SMG5: variants seen among roughly 807,000 people sequenced by gnomAD.
The protein encoded by SMG5 is nonsense-mediated mRNA decay factor SMG5.
SMG5 carries 53 observed loss-of-function variants against 122.9 expected under a neutral mutation model. The ratio of observed to expected loss-of-function variants is 0.43; its 90% CI spans 0.35 to 0.54. SMG5 has a LOEUF of 0.54. Among genes scored for constraint, SMG5 ranks in the 20% least tolerant of loss-of-function variants. The pLI, the probability that SMG5 is intolerant of heterozygous loss-of-function variation, is 0.01. For missense variants in SMG5, 1,153 were observed against 1,285.6 expected, an observed-to-expected ratio of 0.90 and a Z score of 1.58; for synonymous variants, 477 against 490.2, an observed-to-expected ratio of 0.97 and a Z score of 0.35.
intron 3 of SMG5, among the ~76,000 whole-genome samples, chr1:156,277,487 C>G (rs1297212494): frequency 6.6e-6 from 1 of 151,062 alleles, no homozygotes; most frequent in Admixed American, 6.6e-5. Context: ...ACATCTGACT[C>G]TCTTCCTCCT....
Position 156,253,761 on chromosome 1 carries a change from C to T in SMG5, c.2443-253G>A, listed in dbSNP as rs1334419385. ...CTGCAGGGGAGGGGAAGCAGACAGC[C>T]ATGTGCCGTCACCATGCAGGACATC... On this transcript the variant is annotated intron_variant, in intron 16 of 21. Transcript: ENST00000361813. The T allele has an allele frequency of 2.1e-5, 11 of 530,268 alleles. No individual in the cohort carries two copies. In the Admixed American group the frequency reaches 3.4e-4, roughly 16 times the overall value. 32.8% of individuals were successfully genotyped at this position (530,268 alleles called of 1,614,324 possible).
chr1:156,258,753 G>A (rs6693732), intron 16 of SMG5, among the ~76,000 whole-genome samples: 35,319 of 151,522 alleles, frequency 0.23, 4,344 homozygotes, highest in Admixed American at 0.33. Flanking sequence ...CTGAGATCAC[G>A]TCACTTGCTC....
rs201356621 is a variant in SMG5 at position 156,277,252 on chromosome 1, C to T, written c.298-11G>A. On this transcript the variant is annotated splice_polypyrimidine_tract_variant and intron_variant, in intron 3 of 21. Transcript: ENST00000361813. ...CCGGCTGTGGATGTGCTACAGATTG[C>T]GAAAGGGAAGGGGCTGGTTAAGCAA... 808 of 1,610,888 alleles carry T rather than the reference C, an allele frequency of 5.0e-4. 1 individual carries two copies. Among genetic ancestry groups the T allele is most frequent in the Non-Finnish European group, 6.4e-4 (759 of 1,178,962 alleles).
intron 15 of SMG5, 94 bp downstream of exon 15, chr1:156,260,357 G>A: frequency 4.2e-6 from 6 of 1,419,138 alleles, no homozygotes; most frequent in Non-Finnish European, 4.8e-6. Context: ...GAGTGGAAGA[G>A]GGCATCCTGC....
At chr1:156,268,485 G>A (rs1662260291) in intron 7 of SMG5, 70 bp from the exon 8 acceptor site, 5 of 1,577,910 alleles carry the variant, frequency 3.2e-6, no homozygotes, top group African/African-American at 1.4e-5. Flanking sequence ...GGGGCTTTAG[G>A]AAACAATGTT....
rs373418161 is a variant in SMG5 at position 156,268,577 on chromosome 1, A to AAC, written c.714-164_714-163dup. On this transcript the variant is annotated intron_variant, in intron 7 of 21. Transcript: ENST00000361813. ...AGGCTCATGAGCTATCTTTCCCGATAACACACACACACATAACTTCTAGAT... is the reference window on the plus strand; with the variant it reads ...AGGCTCATGAGCTATCTTTCCCGATAACACACACACACACATAACTTCTAGAT... Among the ~76,000 whole-genome samples, 14 of 152,084 alleles carry AAC rather than the reference A, an allele frequency of 9.2e-5. No individual in the cohort carries two copies. In the East Asian group the frequency reaches 1.2e-3, roughly 13 times the overall value.
In SMG5 at chr1:156,262,306, C is replaced by T. The variant is rs538791792; in HGVS notation, c.2032-898G>A. On this transcript the variant is annotated intron_variant, in intron 13 of 21. Transcript: ENST00000361813. ...CCATCCTGGCTAACATGGTGAAACG[C>T]CGTCTCTACTAAAAATACAAAAAAT... Among the ~76,000 whole-genome samples the T allele has an allele frequency of 9.3e-4, 142 of 151,908 alleles. 5 individuals are homozygous for T. The South Asian group carries it at 0.029, about 31-fold the overall frequency.
intron 4 of SMG5, 75 bp downstream of exon 4, chr1:156,277,010 C>T (rs1260559667): frequency 6.6e-7 from 1 of 1,506,068 alleles, no homozygotes; most frequent in African/African-American, 1.4e-5. Context: ...TCGCAAGCTA[C>T]ATGAACCCTG....
In SMG5 at chr1:156,260,501, T is replaced by C. The variant is rs573476110; in HGVS notation, c.2233A>G (p.Arg745Gly). 1 of 1,590,678 alleles carries C rather than the reference T, an allele frequency of 6.3e-7. No individual in the cohort carries two copies. Among genetic ancestry groups the C allele is most frequent in the South Asian group, 1.1e-5 (1 of 87,642 alleles). The change falls in exon 15 of 22, where the codon AGA becomes GGA. Residue 745 changes from arginine to glycine, a missense_variant. Arg to Gly is a moderately radical substitution (Grantham distance 125). Transcript: ENST00000361813. ...RNLPPLRAAH[R>G]RFNFDTDRPL... ...CGATCCGTGTCAAAGTTAAAGCGTC[T>C]GTGGGCAGCTCGGAGCGGGGGCAGG...
chr1:156,266,424 A>G (rs1258837264), intron 11 of SMG5, 44 bp from the exon 12 acceptor site: 3 of 1,600,912 alleles, frequency 1.9e-6, no homozygotes, highest in Non-Finnish European at 2.6e-6. Context: ...GAACAGGTGG[A>G]GCCTGGAAGC....
At chr1:156,260,316 GC>G in intron 15 of SMG5, 134 bp downstream of exon 15, 1 of 1,079,932 alleles carries the variant, frequency 9.3e-7, no homozygotes, top group Non-Finnish European at 1.3e-6. Flanking sequence ...AGGAAGCACA[GC>G]CTGTAGCCCC....
the SMG5 span, chr1:156,290,947 T>C: frequency 1.8e-5 from 3 of 165,006 alleles, no homozygotes; most frequent in Admixed American, 5.7e-5. Flanking sequence ...GAGGAAGATA[T>C]TTTACTATAC....
rs1168711176 is a variant in SMG5 at position 156,263,467 on chromosome 1, A to G, written c.1959T>C (p.Gly653=). The G allele has an allele frequency of 6.2e-7, 1 of 1,614,216 alleles. No homozygotes were observed. Among genetic ancestry groups the G allele is most frequent in the Non-Finnish European group, 8.5e-7 (1 of 1,180,038 alleles). ...QEKLQVLMAE[G]LLPAVKVFLD... ...GGAAGACTTTCACAGCAGGAAGCAG[A>G]CCTTCGGCCATCAGGACCTGAAGCT... Residue 653 remains glycine, a synonymous_variant, in exon 13 of 22, where the codon GGT becomes GGC. Coordinates refer to ENST00000361813, the MANE Select transcript of SMG5 (RefSeq NM_015327.3).
intron 7 of SMG5, among the ~76,000 whole-genome samples, chr1:156,271,724 C>T (rs1343012816): frequency 1.7e-5 from 2 of 119,156 alleles, no homozygotes; most frequent in Non-Finnish European, 3.8e-5. Context: ...TCCCAAGTAG[C>T]TAGGATTAGA....
chr1:156,291,424 C>T, the SMG5 span: 2 of 1,614,012 alleles, frequency 1.2e-6, no homozygotes, highest in African/African-American at 1.3e-5. Context: ...GCCGCTCCTT[C>T]CGAGGCTTCG....
In SMG5 at chr1:156,259,015, T is replaced by C; in HGVS notation, c.2432A>G (p.Gln811Arg). Residue 811 changes from glutamine (Q) to arginine (R), a missense_variant, in exon 16 of 22, where the codon CAG becomes CGG. Coordinates refer to ENST00000361813, the MANE Select transcript of SMG5 (RefSeq NM_015327.3). ...QESLLQQAQA[Q>R]FRMAQEEARR... ...GAAGGCCTGACTCACCATTCGGAAC[T>C]GTGCCTGGGCCTGCTGCAGCAGGCT... 6.2e-7 allele frequency: 1 copy of C among 1,613,870 alleles called. No individual in the cohort carries two copies. The highest frequency in any genetic ancestry group is 8.5e-7 in the Non-Finnish European group (1 of 1,179,914).
chr1:156,261,543 A>G, intron 13 of SMG5, 135 bp from the exon 14 acceptor site: 1 of 712,066 alleles, frequency 1.4e-6, no homozygotes, highest in Non-Finnish European at 2.4e-6. Context: ...AAAATTAACA[A>G]AAGAAGCCTG....
At position 156,250,223 on chromosome 1, in the gene SMG5, G is replaced by A; in HGVS notation, c.*364C>T. 1 of 358,904 alleles carries A rather than the reference G, an allele frequency of 2.8e-6. No homozygotes were observed. The highest frequency in any genetic ancestry group is 7.2e-5 in the East Asian group (1 of 13,884). The allele number at this position is 358,904 out of a possible 1,614,324, so 22.2% of individuals were successfully genotyped here. ...CCTGCATCTTGGGTGAGGAAGAAGG[G>A]CCTCTTTTGCTGTTCCTTCCCCTCA... On this transcript the variant is annotated 3_prime_UTR_variant, in exon 22 of 22. Transcript: ENST00000361813.
chr1:156,271,623 G>A (rs1174607767), intron 7 of SMG5, among the ~76,000 whole-genome samples: 2 of 144,790 alleles, frequency 1.4e-5, no homozygotes, highest in Non-Finnish European at 3.0e-5. Context: ...GCCCAGGCTG[G>A]AGTGCAGTGG....
Sources: gnomAD v4.1 joint callset for allele counts (sites outside exome capture counted in the v4.1 genomes callset) on GRCh38, gnomAD v4.1.1 for gene constraint, MANE v1.5 for transcripts, NCBI Gene and HGNC (gene_info 2026-07-23, HGNC 2026-07-21) for gene names.